The following MORF4L1 variants were observed in gnomAD, a reference collection of about 807,000 sequenced individuals.
The protein encoded by MORF4L1 is mortality factor 4-like protein 1.
A neutral mutation model predicts 52.9 loss-of-function variants in MORF4L1; 4 were observed. The observed-to-expected ratio is 0.08, with a 90% CI of 0.04 to 0.17. The LOEUF (loss-of-function observed/expected upper bound fraction) is 0.17, where lower values mean the gene tolerates loss of function less well. Among genes scored for constraint, MORF4L1 ranks in the 10% least tolerant of loss-of-function variants. The pLI is 1.00. For synonymous variants in MORF4L1, 123 were observed against 134.8 expected, an observed-to-expected ratio of 0.91 and a Z score of 0.61; for missense variants, 214 against 390.4, an observed-to-expected ratio of 0.55 and a Z score of 3.81.
In MORF4L1 at chr15:78,887,144, C is replaced by T. The variant is rs187537652; in HGVS notation, c.243-125C>T. 4.0e-3 allele frequency: 2,918 copies of T among 734,422 alleles called. 12 individuals carry two copies. The highest frequency in any genetic ancestry group is 5.6e-3 in the Non-Finnish European group (2,429 of 431,088). The allele number at this position is 734,422 out of a possible 1,614,324, so 45.5% of individuals were successfully genotyped here. Reference sequence around the variant, plus strand: ...TTGTTTGATTTTTGTGGAAATATCTCTGTCCAACTTGTTAAAAACTTGTTG... The same window carrying T: ...TTGTTTGATTTTTGTGGAAATATCTTTGTCCAACTTGTTAAAAACTTGTTG... On this transcript the variant is annotated intron_variant, in intron 4 of 11. Coordinates refer to ENST00000426013, the MANE Select transcript of MORF4L1 (RefSeq NM_006791.4).
At chr15:78,886,100 A>G (rs1419010361) in intron 3 of MORF4L1, 41 bp from the exon 4 acceptor site, 1 of 1,474,602 alleles carries the variant, frequency 6.8e-7, no homozygotes, top group South Asian at 1.1e-5. Context: ...GTTGGAGAAC[A>G]GAGTATTTTT....
chr15:78,889,408 T>C (rs2056761403), intron 5 of MORF4L1, among the ~76,000 whole-genome samples: 1 of 152,248 alleles, frequency 6.6e-6, no homozygotes, highest in African/African-American at 2.4e-5. Context: ...TCCAAAATGC[T>C]TCAATGAGCA....
chr15:78,878,091 C>G, intron 1 of MORF4L1, 122 bp from the exon 2 acceptor site: 1 of 902,958 alleles, frequency 1.1e-6, no homozygotes, highest in Middle Eastern at 2.6e-4. Context: ...CTCTGTATAC[C>G]CGTCCTCATT....
intron 2 of MORF4L1, among the ~76,000 whole-genome samples, chr15:78,879,829 A>G (rs1407166096): frequency 6.6e-5 from 10 of 151,888 alleles, no homozygotes; most frequent in African/African-American, 1.2e-4. Context: ...GAATGTTGTT[A>G]TTGTTGTATC....
At chr15:78,888,845 C>G (rs763320118) in intron 5 of MORF4L1, among the ~76,000 whole-genome samples, 20 of 151,994 alleles carry the variant, frequency 1.3e-4, no homozygotes, top group Non-Finnish European at 2.4e-4. Flanking sequence ...AAGTGTGTTA[C>G]TATTTGAGGA....
intron 3 of MORF4L1, among the ~76,000 whole-genome samples, chr15:78,885,515 G>T (rs2056686617): frequency 6.6e-6 from 1 of 152,204 alleles, no homozygotes; most frequent in Non-Finnish European, 1.5e-5. Flanking sequence ...CTGAATGAAG[G>T]TGGAGAATGG....
chr15:78,880,159 T>C (rs757320263), intron 2 of MORF4L1, among the ~76,000 whole-genome samples: 4 of 152,256 alleles, frequency 2.6e-5, no homozygotes, highest in Non-Finnish European at 4.4e-5. Flanking sequence ...TTTTTTATAA[T>C]ATAGTTTAAA....
chr15:78,873,393 G>T (rs1330867739), intron 1 of MORF4L1, among the ~76,000 whole-genome samples: 1 of 151,924 alleles, frequency 6.6e-6, no homozygotes, highest in African/African-American at 2.4e-5. Context: ...CCATGGCGGC[G>T]GTTAGGGGAA....
chr15:78,878,807 G>C (rs1330224794), intron 2 of MORF4L1, among the ~76,000 whole-genome samples: 1 of 152,120 alleles, frequency 6.6e-6, no homozygotes, highest in Non-Finnish European at 1.5e-5. Context: ...GTAAAAAAAA[G>C]TTTCAGTATT....
Position 78,883,170 on chromosome 15 carries a change from G to A in MORF4L1, c.155+2591G>A, listed in dbSNP as rs563097800. On this transcript the variant is annotated intron_variant, in intron 3 of 11. Transcript: ENST00000426013. ...GCGAAGGTTGCAGTGAGCTGAGATT[G>A]CACCACTGTATTCTAGCCTAGGCGA... is the stretch of plus-strand genomic sequence containing the variant. Among the ~76,000 whole-genome samples, 296 of 147,896 alleles carry A rather than the reference G, an allele frequency of 2.0e-3. 4 individuals carry two copies. The highest frequency in any genetic ancestry group is 1.8e-3 in the Non-Finnish European group (122 of 67,548).
At chr15:78,875,650 G>A (rs1288898079) in intron 1 of MORF4L1, among the ~76,000 whole-genome samples, 1 of 151,844 alleles carries the variant, frequency 6.6e-6, no homozygotes, top group Admixed American at 6.6e-5. Context: ...AGCAGGGCGT[G>A]GTGTTAGGCT....
rs71148578 is a variant in MORF4L1, at chr15:78,896,308, C to CTTT, written c.888-654_888-652dup. On this transcript the variant is annotated intron_variant, in intron 11 of 11. Transcript: ENST00000426013. Reference sequence around the variant, plus strand: ...ATTTTTTTCTTTTTTCTTTTCTTTTCTTTTTTTTTTTTTTTTTTTTTTTGA... The same window carrying CTTT: ...ATTTTTTTCTTTTTTCTTTTCTTTTCTTTTTTTTTTTTTTTTTTTTTTTTTTGA... Among the ~76,000 whole-genome samples, 1,241 of 81,334 alleles carry CTTT rather than the reference C, an allele frequency of 0.015. 109 individuals are homozygous for CTTT. The East Asian group carries it at 0.25, about 17-fold the overall frequency. The allele number at this position is 81,334 out of a possible 152,430, so 53.4% of individuals were successfully genotyped here.
Position 78,872,956 on chromosome 15 carries a change from A to C in MORF4L1, c.-62A>C. The stretch of plus-strand genomic sequence containing the variant: ...CGTCTGACGCGGAGTTGGGTGGGGT[A>C]GAGAGTAGGGGGCGGTAGTCGGGGG... On this transcript the variant is annotated 5_prime_UTR_variant, in exon 1 of 12. Coordinates refer to ENST00000426013, the MANE Select transcript of MORF4L1 (RefSeq NM_006791.4). 1.3e-6 allele frequency: 2 copies of C among 1,499,502 alleles called. No individual in the cohort carries two copies. Among genetic ancestry groups the C allele is most frequent in the Non-Finnish European group, 8.9e-7 (1 of 1,117,760 alleles). The allele number at this position is 1,499,502 out of a possible 1,614,324, so 92.9% of individuals were successfully genotyped here. A position where few individuals can be genotyped will look rare whatever the true frequency, so the allele number is the denominator to read the frequency against.
intron 10 of MORF4L1, 38 bp from the exon 11 acceptor site, chr15:78,894,782 T>A (rs762893892): frequency 6.8e-7 from 1 of 1,479,780 alleles, no homozygotes; most frequent in Non-Finnish European, 9.4e-7. Context: ...TGCCCCTGCC[T>A]TGGATGTAAC....
At chr15:78,891,205 A>G (rs1596250047) in intron 6 of MORF4L1, 191 bp downstream of exon 6, 1 of 743,010 alleles carries the variant, frequency 1.3e-6, no homozygotes, top group South Asian at 1.7e-5. Context: ...ACTTGTGAGC[A>G]TTTATTTTCA....
chr15:78,874,583 C>CTTTTTTTTTT (rs56665378), intron 1 of MORF4L1, among the ~76,000 whole-genome samples: 91 of 112,178 alleles, frequency 8.1e-4, no homozygotes, highest in African/African-American at 1.3e-3. Context: ...CTTTTTCTTT[C>CTTTTTTTTTT]TTTTTTTTTT....
At chr15:78,873,584 G>C (rs1026194314) in intron 1 of MORF4L1, 2 of 166,288 alleles carry the variant, frequency 1.2e-5, no homozygotes, top group African/African-American at 4.8e-5. Flanking sequence ...GGAGAAGTGC[G>C]TTGTAAAATG....
At chr15:78,880,904 G>C (rs2056590392) in intron 3 of MORF4L1, among the ~76,000 whole-genome samples, 1 of 146,858 alleles carries the variant, frequency 6.8e-6, no homozygotes, top group African/African-American at 2.5e-5. Flanking sequence ...TACATTTTTA[G>C]GATGGCCTGA....
chr15:78,884,894 A>G, intron 3 of MORF4L1: 1 of 1,012,400 alleles, frequency 9.9e-7, no homozygotes, highest in South Asian at 1.9e-5. Context: ...TTTGTAAATG[A>G]ATCTTAATAA....
Sources: allele counts gnomAD v4.1 joint callset (sites outside exome capture counted in the v4.1 genomes callset), GRCh38; gene constraint gnomAD v4.1.1; transcripts MANE v1.5; gene names NCBI Gene and HGNC (gene_info 2026-07-23, HGNC 2026-07-21).